The following PIBF1 variants were observed in gnomAD, a reference collection of about 807,000 sequenced individuals.
PIBF1 encodes progesterone immunomodulatory binding factor 1.
PIBF1 carries 90 observed loss-of-function variants against 112.5 expected under a neutral mutation model. That is an observed-to-expected ratio of 0.80 (90% CI 0.67 to 0.95). The LOEUF (loss-of-function observed/expected upper bound fraction) is 0.95, where lower values mean the gene tolerates loss of function less well. PIBF1 is among the 40% of genes least tolerant of loss of function. The pLI is 0.00. For synonymous variants in PIBF1, 301 were observed against 288.6 expected (o/e 1.04, Z -0.44); for missense variants, 915 against 852.3 (o/e 1.07, Z -0.92).
chr13:72,870,035 G>A (rs1035190946), intron 10 of PIBF1, among the ~76,000 whole-genome samples: 1 of 151,904 alleles, frequency 6.6e-6, no homozygotes, highest in Admixed American at 6.6e-5. Flanking sequence ...ATTTTTAATT[G>A]CAGATACCAT....
chr13:72,864,974 A>G (rs1480919183), intron 10 of PIBF1, among the ~76,000 whole-genome samples: 2 of 152,144 alleles, frequency 1.3e-5, no homozygotes, highest in Non-Finnish European at 2.9e-5. Flanking sequence ...TCTAAATTAT[A>G]CTTCAGTGGT....
At chr13:72,833,808 T>G (rs1253790499) in intron 8 of PIBF1, among the ~76,000 whole-genome samples, 1 of 151,990 alleles carries the variant, frequency 6.6e-6, no homozygotes, top group East Asian at 1.9e-4. Context: ...TCTTCAGAGC[T>G]GTTAGGCAGG....
chr13:72,971,455 C>T (rs2042889191), intron 15 of PIBF1, among the ~76,000 whole-genome samples: 3 of 152,120 alleles, frequency 2.0e-5, no homozygotes, highest in Admixed American at 1.3e-4. Context: ...GAACATGGCA[C>T]TCAGTTTCCT....
chr13:72,946,578 C>T (rs2042153912), intron 14 of PIBF1, among the ~76,000 whole-genome samples: 1 of 152,164 alleles, frequency 6.6e-6, no homozygotes, highest in South Asian at 2.1e-4. Context: ...AAGGCAAGTC[C>T]CTTCCGCCTA....
chr13:72,852,177 A>G (rs186497133), intron 9 of PIBF1, among the ~76,000 whole-genome samples: 1 of 152,302 alleles, frequency 6.6e-6, no homozygotes, highest in Admixed American at 6.5e-5. Flanking sequence ...CATTGCAACA[A>G]GGAGAGAATT....
chr13:72,962,249 TAC>T (rs1189706987), intron 14 of PIBF1, among the ~76,000 whole-genome samples: 1 of 152,070 alleles, frequency 6.6e-6, no homozygotes, highest in East Asian at 1.9e-4. Flanking sequence ...TTGTATATAG[TAC>T]ACTAGCAATG....
intron 10 of PIBF1, among the ~76,000 whole-genome samples, chr13:72,861,647 C>G (rs1219816615): frequency 6.6e-6 from 1 of 152,074 alleles, no homozygotes; most frequent in South Asian, 2.1e-4. Flanking sequence ...TCACTGCAGC[C>G]TCCACCTCCC....
intron 10 of PIBF1, among the ~76,000 whole-genome samples, chr13:72,885,180 C>T (rs1259219099): frequency 6.6e-6 from 1 of 152,104 alleles, no homozygotes; most frequent in Non-Finnish European, 1.5e-5. Context: ...CCACCTTAGC[C>T]ATTATCCACA....
chr13:72,815,079 C>G (rs1302722080), intron 5 of PIBF1, among the ~76,000 whole-genome samples: 1 of 152,186 alleles, frequency 6.6e-6, no homozygotes, highest in Non-Finnish European at 1.5e-5. Flanking sequence ...GTTCCACTTA[C>G]TTATACTATA....
At chr13:72,962,945 C>A (rs2042644521) in intron 14 of PIBF1, among the ~76,000 whole-genome samples, 1 of 152,156 alleles carries the variant, frequency 6.6e-6, no homozygotes, top group Non-Finnish European at 1.5e-5. Context: ...TAAAAACCCA[C>A]GGAATATTAA....
chr13:72,898,396 T>A (rs529498548), intron 11 of PIBF1, among the ~76,000 whole-genome samples: 279 of 151,494 alleles, frequency 1.8e-3, no homozygotes, highest in African/African-American at 6.5e-3. Context: ...AGGTCACACC[T>A]CAAGGAACTA....
intron 10 of PIBF1, 75 bp from the exon 11 acceptor site, chr13:72,893,709 G>A: frequency 1.1e-6 from 1 of 876,778 alleles, no homozygotes; most frequent in Non-Finnish European, 1.6e-6. Context: ...AGAAAACATA[G>A]AAGTAAGGTT....
At position 72,994,079 on chromosome 13, in the gene PIBF1, C is replaced by T. The variant is rs543096217; in HGVS notation, c.2050-4743C>T. ...GGTGAGCCATATTTGCACCACCGCA[C>T]TACAGCCTGAGCAACAGAGCAAGAA... On this transcript the variant is annotated intron_variant, in intron 16 of 17. Coordinates refer to ENST00000326291, the MANE Select transcript of PIBF1 (RefSeq NM_006346.4). 4.0e-5 allele frequency among the ~76,000 whole-genome samples: 6 copies of T among 150,168 alleles called. No individual in the cohort carries two copies. The South Asian group carries it at 1.0e-3, about 26-fold the overall frequency.
chr13:72,903,056 C>T (rs540897865), intron 11 of PIBF1, among the ~76,000 whole-genome samples: 6 of 152,038 alleles, frequency 3.9e-5, no homozygotes, highest in African/African-American at 1.4e-4. Context: ...CCACCACGCC[C>T]AGCTAATGTT....
rs139622321 is a variant in PIBF1 at position 72,929,628 on chromosome 13, T to C, written c.1731-1537T>C. 6.7e-3 allele frequency among the ~76,000 whole-genome samples: 1,023 copies of C among 152,300 alleles called. 7 individuals carry two copies. The highest frequency in any genetic ancestry group is 0.011 in the Non-Finnish European group (747 of 68,028). ...ATTGTACACTTTAAATTGGTGGACTTTATGATATTTAAGTTGCATATCAGT... is the reference window on the plus strand; with the variant it reads ...ATTGTACACTTTAAATTGGTGGACTCTATGATATTTAAGTTGCATATCAGT... On this transcript the variant is annotated intron_variant, in intron 13 of 17. Coordinates refer to ENST00000326291, the MANE Select transcript of PIBF1 (RefSeq NM_006346.4).
intron 10 of PIBF1, among the ~76,000 whole-genome samples, chr13:72,856,719 G>C (rs992411548): frequency 1.3e-5 from 2 of 152,128 alleles, no homozygotes; most frequent in African/African-American, 4.8e-5. Flanking sequence ...GAAGGGAAAA[G>C]TATCCCTGGT....
chr13:72,808,431 C>T (rs2035845663), intron 5 of PIBF1, among the ~76,000 whole-genome samples: 1 of 152,106 alleles, frequency 6.6e-6, no homozygotes, highest in African/African-American at 2.4e-5. Context: ...ATTGTTTAGA[C>T]CATCGAGTAA....
intron 5 of PIBF1, among the ~76,000 whole-genome samples, chr13:72,815,973 G>T: frequency 6.6e-6 from 1 of 152,136 alleles, no homozygotes; most frequent in Middle Eastern, 3.2e-3. Flanking sequence ...AAATTTGTTT[G>T]GTTCAATCAT....
intron 5 of PIBF1, among the ~76,000 whole-genome samples, chr13:72,798,786 G>T (rs992835604): frequency 6.6e-6 from 1 of 151,994 alleles, no homozygotes; most frequent in Non-Finnish European, 1.5e-5. Flanking sequence ...CAAATATTTC[G>T]TTATTCTAAA....
Sources: gnomAD v4.1 joint callset for allele counts (sites outside exome capture counted in the v4.1 genomes callset) on GRCh38, gnomAD v4.1.1 for gene constraint, MANE v1.5 for transcripts, NCBI Gene and HGNC (gene_info 2026-07-23, HGNC 2026-07-21) for gene names.